The following TANC1 variants were observed in gnomAD, a reference collection of about 807,000 sequenced individuals.
The protein encoded by TANC1 is protein TANC1.
Under a neutral mutation model 149.7 loss-of-function variants are expected in TANC1, and 77 were observed. The observed-to-expected ratio is 0.51, with a 90% CI of 0.43 to 0.62. TANC1 has a LOEUF of 0.62. Among genes scored for constraint, TANC1 ranks in the 20% least tolerant of loss-of-function variants. The pLI, the probability that TANC1 is intolerant of heterozygous loss-of-function variation, is 0.00. For missense variants in TANC1, 1,985 were observed against 2,321.8 expected (o/e 0.85, Z 2.98); for synonymous variants, 854 against 925.0 (o/e 0.92, Z 1.39).
chr2:159,017,686 C>T (rs2038412786), intron 2 of TANC1, among the ~76,000 whole-genome samples: 1 of 135,630 alleles, frequency 7.4e-6, no homozygotes, highest in African/African-American at 3.0e-5. Context: ...TGGGTAACAA[C>T]AACAACAAAA....
In TANC1 at chr2:158,968,690, A is replaced by G. The variant is rs1160495033; in HGVS notation, c.-218A>G. On this transcript the variant is annotated 5_prime_UTR_variant, in exon 1 of 27. Transcript: ENST00000263635. ...CGGCGGCCGCCTCGGGAGCCGGAGG[A>G]GAGGCAGCCGCGGAGCGCCGAGCTG... The G allele has an allele frequency of 1.3e-5, 2 of 152,334 alleles. No individual in the cohort carries two copies. Among genetic ancestry groups the G allele is most frequent in the South Asian group, 2.1e-4 (1 of 4,826 alleles). 9.4% of individuals were successfully genotyped at this position (152,334 alleles called of 1,614,324 possible).
chr2:159,012,293 T>C (rs1230216051), intron 2 of TANC1, among the ~76,000 whole-genome samples: 1 of 152,254 alleles, frequency 6.6e-6, no homozygotes, highest in Non-Finnish European at 1.5e-5. Context: ...TCTATTTTAG[T>C]AGAAGTCAAA....
At position 159,163,410 on chromosome 2, in the gene TANC1, C is replaced by T. The variant is rs1559373216; in HGVS notation, c.810C>T (p.Ser270=). The T allele has an allele frequency of 6.2e-7, 1 of 1,614,042 alleles. No homozygotes were observed. The highest frequency in any genetic ancestry group is 1.3e-5 in the African/African-American group (1 of 74,904). The change falls in exon 8 of 27, where the codon TCC becomes TCT. Residue 270 remains serine, a synonymous_variant. Transcript: ENST00000263635. ...VLHDRRADNC[S]PVAEEETTGS... Reference sequence around the variant, plus strand: ...ATGACCGCAGGGCAGATAACTGCTCCCCAGTGGCAGAAGAGGAGACCACCG... The same window carrying T: ...ATGACCGCAGGGCAGATAACTGCTCTCCAGTGGCAGAAGAGGAGACCACCG...
chr2:159,010,176 C>T (rs1379058033), intron 2 of TANC1, among the ~76,000 whole-genome samples: 1 of 152,100 alleles, frequency 6.6e-6, no homozygotes, highest in Non-Finnish European at 1.5e-5. Context: ...GTATTCAGCC[C>T]TGGAGTTTTC....
In TANC1 at chr2:159,230,101, C is replaced by G; in HGVS notation, c.4675C>G (p.Gln1559Glu). 1.2e-6 allele frequency: 2 copies of G among 1,613,956 alleles called. No homozygotes were observed. Among genetic ancestry groups the G allele is most frequent in the Non-Finnish European group, 1.7e-6 (2 of 1,180,038 alleles). The change falls in exon 27 of 27, where the codon CAG becomes GAG. Residue 1559 changes from glutamine (Q) to glutamate (E), a missense_variant. Around this residue, in one of 3 missense-constraint regions of TANC1, gnomAD observed 920 missense variants for 994.7 expected, o/e 0.92. Coordinates refer to ENST00000263635, the MANE Select transcript of TANC1 (RefSeq NM_033394.3). This position sits in a 1 kb window ranked among gnomAD's most constrained non-coding sequence, Gnocchi z 4.4. ...NGSMKVQISS[Q>E]NPPPSPMPGR... ...CAGTATGAAAGTTCAGATCTCTTCT[C>G]AGAACCCTCCTCCAAGTCCCATGCC... is the stretch of plus-strand genomic sequence containing the variant.
At chr2:159,127,232 T>G (rs1011203021) in intron 4 of TANC1, among the ~76,000 whole-genome samples, 4 of 152,182 alleles carry the variant, frequency 2.6e-5, no homozygotes, top group African/African-American at 7.2e-5. Flanking sequence ...TCACTGATCA[T>G]TTGAGAAATG....
Position 159,050,273 on chromosome 2 carries a change from T to TA in TANC1, c.-15-15614dup, listed in dbSNP as rs562658290. On this transcript the variant is annotated intron_variant, in intron 2 of 26. Coordinates refer to ENST00000263635, the MANE Select transcript of TANC1 (RefSeq NM_033394.3). The stretch of plus-strand genomic sequence containing the variant: ...GCATGTGCCACCACTCCCAGCTAAT[T>TA]AAAAAAAAATTTTTTTTGTAGAAAC... Among the ~76,000 whole-genome samples the TA allele has an allele frequency of 9.9e-5, 15 of 151,834 alleles. 1 individual carries two copies. Among genetic ancestry groups the TA allele is most frequent in the Admixed American group, 3.3e-4 (5 of 15,256 alleles).
Position 159,230,137 on chromosome 2 carries a change from G to A in TANC1, c.4711G>A (p.Ala1571Thr), listed in dbSNP as rs1264438428. The stretch of plus-strand genomic sequence containing the variant: ...TCCAAGTCCCATGCCAGGGAGAATC[G>A]CTGCCACTCCTGCTGGGAGCAGAAC... ...PPPSPMPGRI[A>T]ATPAGSRTQH... is the part of the protein sequence containing the mutation. The change falls in exon 27 of 27, where the codon GCT becomes ACT. Residue 1571 changes from alanine to threonine, a missense_variant. By Grantham distance (58) the Ala-to-Thr change is moderately conservative (BLOSUM62 0). Transcript: ENST00000263635. The surrounding 1 kb of genome is among the most constrained non-coding windows in gnomAD (Gnocchi z 4.4). The A allele has an allele frequency of 4.3e-6, 7 of 1,613,878 alleles. No homozygotes were observed. Among genetic ancestry groups the A allele is most frequent in the Admixed American group, 3.3e-5 (2 of 60,000 alleles).
At chr2:159,019,386 A>G (rs993485925) in intron 2 of TANC1, among the ~76,000 whole-genome samples, 4 of 152,216 alleles carry the variant, frequency 2.6e-5, no homozygotes, top group Non-Finnish European at 5.9e-5. Flanking sequence ...AATTTTCAAG[A>G]GAAACTAGAA....
intron 19 of TANC1, among the ~76,000 whole-genome samples, chr2:159,202,348 T>A (rs17576648): frequency 0.3 from 45,605 of 152,096 alleles, 7,694 homozygotes; most frequent in South Asian, 0.52. Flanking sequence ...TCATAAAAAA[T>A]GGGAACAGTA....
rs1020943420 is a variant in TANC1 at position 159,150,266 on chromosome 2, C to G, written c.496-104C>G. On this transcript the variant is annotated intron_variant, in intron 6 of 26. Coordinates refer to ENST00000263635, the MANE Select transcript of TANC1 (RefSeq NM_033394.3). ...TCTTTAGATTTTTTTTTTAAAACTTCCGTTTTCCTGTTCTTAGTTTTATTG... is the reference window on the plus strand; with the variant it reads ...TCTTTAGATTTTTTTTTTAAAACTTGCGTTTTCCTGTTCTTAGTTTTATTG... 3.9e-5 allele frequency: 35 copies of G among 894,760 alleles called. No homozygotes were observed. The Middle Eastern group carries it at 9.1e-4, about 23-fold the overall frequency. The allele number at this position is 894,760 out of a possible 1,614,324, so 55.4% of individuals were successfully genotyped here.
intron 2 of TANC1, among the ~76,000 whole-genome samples, chr2:159,032,292 G>C (rs917922289): frequency 6.6e-6 from 1 of 152,198 alleles, no homozygotes; most frequent in African/African-American, 2.4e-5. Context: ...GCCTGTCCTG[G>C]TTTCCGTTGG....
At chr2:159,108,505 C>T (rs2047406069) in intron 4 of TANC1, among the ~76,000 whole-genome samples, 1 of 151,996 alleles carries the variant, frequency 6.6e-6, no homozygotes, top group African/African-American at 2.4e-5. Context: ...TAGATGAGGG[C>T]AGGGGCCTTG....
intron 2 of TANC1, among the ~76,000 whole-genome samples, chr2:159,017,398 A>T (rs1034005047): frequency 2.6e-5 from 4 of 152,322 alleles, no homozygotes; most frequent in African/African-American, 9.6e-5. Context: ...AAAAGACATC[A>T]GTTTATTTAA....
chr2:159,037,153 T>C (rs1391171359), intron 2 of TANC1, among the ~76,000 whole-genome samples: 1 of 152,246 alleles, frequency 6.6e-6, no homozygotes, highest in Non-Finnish European at 1.5e-5. Flanking sequence ...GCTGCATAAA[T>C]GTCTTCTTTT....
In TANC1 at chr2:159,042,219, G is replaced by A. The variant is rs532577099; in HGVS notation, c.-15-23677G>A. ...AGAGGCCTCCACCCAGCCTCGGCAC[G>A]CACAAACCTGTTAGCACCCTGGTGC... On this transcript the variant is annotated intron_variant, in intron 2 of 26. Transcript: ENST00000263635. Among the ~76,000 whole-genome samples, 82 of 152,288 alleles carry A rather than the reference G, an allele frequency of 5.4e-4. 1 individual carries two copies. The highest frequency in any genetic ancestry group is 2.9e-4 in the Non-Finnish European group (20 of 68,016).
intron 7 of TANC1, among the ~76,000 whole-genome samples, chr2:159,158,228 T>G (rs928941249): frequency 1.3e-5 from 2 of 151,956 alleles, no homozygotes; most frequent in African/African-American, 4.8e-5. Context: ...GTGCTGGTGG[T>G]GCATGCCTGT....
rs139109517 is a variant in TANC1 at position 159,158,341 on chromosome 2, C to T, written c.683-4942C>T. 2.6e-5 allele frequency among the ~76,000 whole-genome samples: 4 copies of T among 152,124 alleles called. No homozygotes were observed. In the East Asian group the frequency reaches 7.7e-4, roughly 29 times the overall value. ...CACCACTGTACTCCAGCCTGGGCAA[C>T]AGAGCGAGACCCTGTCTCGAAACAA... On this transcript the variant is annotated intron_variant, in intron 7 of 26. Coordinates refer to ENST00000263635, the MANE Select transcript of TANC1 (RefSeq NM_033394.3).
intron 14 of TANC1, among the ~76,000 whole-genome samples, chr2:159,184,473 G>A (rs945052937): frequency 1.3e-5 from 2 of 152,166 alleles, no homozygotes; most frequent in African/African-American, 4.8e-5. Context: ...TCATCACCCT[G>A]TAAAGTGATA....
Sources: gnomAD v4.1 joint callset for allele counts (sites outside exome capture counted in the v4.1 genomes callset) on GRCh38, gnomAD v4.1.1 for gene constraint, gnomAD v4.1.1 regional missense constraint, Gnocchi (gnomAD v3.1) non-coding constraint, MANE v1.5 for transcripts, NCBI Gene and HGNC (gene_info 2026-07-23, HGNC 2026-07-21) for gene names.